Variants in JAK2 observed in about 807,000 individuals in gnomAD.
JAK2 encodes the protein Janus kinase 2, also known as tyrosine-protein kinase JAK2.
In JAK2, 86 loss-of-function variants were observed where a neutral mutation model predicts 139.3. The ratio of observed to expected loss-of-function variants is 0.62; its 90% confidence interval spans 0.52 to 0.74. The LOEUF (loss-of-function observed/expected upper bound fraction) is 0.74, where lower values mean the gene tolerates loss of function less well. Ranked by LOEUF, JAK2 falls within the 30% of genes least tolerant of loss-of-function variation. JAK2 has a pLI of 0.00. For missense variants in JAK2, 1,421 were observed against 1,360.3 expected (o/e 1.04, Z -0.70); for synonymous variants, 490 against 437.7 (o/e 1.12, Z -1.49).
intron 22 of JAK2, among the ~76,000 whole-genome samples, chr9:5,105,499 T>G (rs2130769942): frequency 6.6e-6 from 1 of 152,292 alleles, no homozygotes; most frequent in Non-Finnish European, 1.5e-5. Context: ...CCAAAGTAAT[T>G]TATAGATTCA....
At chr9:5,082,628 G>A (rs556836271) in intron 19 of JAK2, among the ~76,000 whole-genome samples, 13 of 152,304 alleles carry the variant, frequency 8.5e-5, no homozygotes, top group South Asian at 6.2e-4. Context: ...CCCATCCCAC[G>A]AGGCCATATT....
chr9:5,060,028 A>G (rs78787200), intron 8 of JAK2, among the ~76,000 whole-genome samples: 13,390 of 152,230 alleles, frequency 0.088, 1,761 homozygotes, highest in African/African-American at 0.29. Flanking sequence ...AAATTTTGCA[A>G]TGAAGTGAGT....
intron 22 of JAK2, chr9:5,100,904 A>C (rs1023405011): frequency 6.6e-6 from 1 of 152,218 alleles, no homozygotes; most frequent in Admixed American, 6.5e-5. Flanking sequence ...CGCCAATTAA[A>C]ATATCACTTT....
intron 14 of JAK2, among the ~76,000 whole-genome samples, chr9:5,077,197 G>A (rs1469704498): frequency 1.3e-5 from 2 of 149,938 alleles, no homozygotes; most frequent in African/African-American, 4.9e-5. Flanking sequence ...AAGGTGTGCT[G>A]GTATATTATA....
Position 4,989,449 on chromosome 9 carries a change from TA to T in JAK2, c.-26+3436del, listed in dbSNP as rs535950635. Among the ~76,000 whole-genome samples, 191 of 151,508 alleles carry T rather than the reference TA, an allele frequency of 1.3e-3. 2 individuals are homozygous for T. The East Asian group carries it at 0.024, about 19-fold the overall frequency. The stretch of plus-strand genomic sequence containing the variant: ...TTCTTTGAGGAGCAGTACCTTAGAT[TA>T]AAAAAAAACCACAACACACAGTGGA... On this transcript the variant is annotated intron_variant, in intron 2 of 24. Coordinates refer to ENST00000381652, the MANE Select transcript of JAK2 (RefSeq NM_004972.4).
rs140293053 is a variant in JAK2, at chr9:5,075,686, T to G, written c.1865-1767T>G. ...TCACCCAAGAGCTCTGATGGAGATG[T>G]ACAAGGATATTCATGTTATTTTCAG... On this transcript the variant is annotated intron_variant, in intron 14 of 24. Transcript: ENST00000381652. Among the ~76,000 whole-genome samples the G allele has an allele frequency of 2.1e-3, 322 of 152,318 alleles. 3 individuals carry two copies. The highest frequency in any genetic ancestry group is 7.3e-3 in the African/African-American group (302 of 41,578).
At chr9:5,084,898 T>C (rs1382363934) in intron 19 of JAK2, 3 of 444,308 alleles carry the variant, frequency 6.8e-6, no homozygotes, top group African/African-American at 2.0e-5. Flanking sequence ...TCTTTTAAAA[T>C]GATTTTTGGT....
intron 19 of JAK2, chr9:5,085,817 T>C (rs1820052098): frequency 1.3e-6 from 1 of 759,276 alleles, no homozygotes. Flanking sequence ...CCACAATAAT[T>C]GATCGAAAGG....
chr9:5,055,666 T>C lies in JAK2; in HGVS notation c.937-3T>C, dbSNP rs1347761120. ...TTTTAATTTTACATGCTTTTAATTA[T>C]AGGATTTACAGTTATATTGCGATTT... is the stretch of plus-strand genomic sequence containing the variant. On this transcript the variant is annotated splice_polypyrimidine_tract_variant and splice_region_variant and intron_variant, in intron 7 of 24. Transcript: ENST00000381652. The C allele has an allele frequency of 1.3e-6, 2 of 1,552,936 alleles. No individual in the cohort carries two copies. Among genetic ancestry groups the C allele is most frequent in the Non-Finnish European group, 1.8e-6 (2 of 1,133,512 alleles).
At chr9:5,021,538 G>A (rs2130069302) in intron 2 of JAK2, among the ~76,000 whole-genome samples, 1 of 152,324 alleles carries the variant, frequency 6.6e-6, no homozygotes, top group Middle Eastern at 3.4e-3. Context: ...TCCAGTTAAT[G>A]GATTTGACAG....
At chr9:5,097,588 A>G (rs1321082605) in intron 22 of JAK2, 1 of 152,188 alleles carries the variant, frequency 6.6e-6, no homozygotes, top group Non-Finnish European at 1.5e-5. Context: ...CTCCGCTACC[A>G]TAATTACTGC....
chr9:5,054,631 G>GTTT lies in JAK2; in HGVS notation c.683_684insTTT (p.Arg228_Ile229insLeu). Reference sequence around the variant, plus strand: ...GACTATCATATTTTGACAAGGAAGCGAATAAGGTACAGATTTCGCAGATTT... The same window carrying GTTT: ...GACTATCATATTTTGACAAGGAAGCGTTTAATAAGGTACAGATTTCGCAGATTT... On this transcript the variant is annotated inframe_insertion, in exon 7 of 25. Transcript: ENST00000381652. The surrounding 1 kb of genome is among the most constrained non-coding windows in gnomAD (Gnocchi z 4.9). 6.2e-7 allele frequency: 1 copy of GTTT among 1,612,844 alleles called. No individual in the cohort carries two copies. The highest frequency in any genetic ancestry group is 8.5e-7 in the Non-Finnish European group (1 of 1,179,220).
At chr9:5,071,841 A>G (rs1039531728) in intron 12 of JAK2, among the ~76,000 whole-genome samples, 1 of 152,206 alleles carries the variant, frequency 6.6e-6, no homozygotes, top group African/African-American at 2.4e-5. Flanking sequence ...TTTGAACACA[A>G]GCAGCCTTAC....
At chr9:5,112,805 C>A in intron 22 of JAK2, 1 of 548,282 alleles carries the variant, frequency 1.8e-6, no homozygotes. Flanking sequence ...TTCAGCTGCC[C>A]ACCTGGGCTT....
chr9:5,060,902 T>A (rs991246892), intron 8 of JAK2, among the ~76,000 whole-genome samples: 26 of 152,344 alleles, frequency 1.7e-4, no homozygotes, highest in African/African-American at 5.3e-4. Context: ...AAGTTGAAAT[T>A]ACTCCTTGAC....
At chr9:5,012,624 T>A (rs1287048133) in intron 2 of JAK2, among the ~76,000 whole-genome samples, 2 of 152,228 alleles carry the variant, frequency 1.3e-5, no homozygotes, top group African/African-American at 4.8e-5. Flanking sequence ...TTGTTATTTT[T>A]ATGAGCATAG....
chr9:5,092,140 G>C (rs1293106268), intron 22 of JAK2, among the ~76,000 whole-genome samples: 1 of 152,038 alleles, frequency 6.6e-6, no homozygotes, highest in African/African-American at 2.4e-5. Flanking sequence ...TCAACGTGTA[G>C]CTCATGAGGT....
intron 3 of JAK2, among the ~76,000 whole-genome samples, chr9:5,027,882 G>C (rs1822880800): frequency 6.6e-6 from 1 of 152,112 alleles, no homozygotes; most frequent in Non-Finnish European, 1.5e-5. Context: ...TCTAATTTTA[G>C]TTCTCTTGTT....
rs1821931117 is a variant in JAK2 at position 5,014,731 on chromosome 9, T to C, written c.-25-7232T>C. Among the ~76,000 whole-genome samples the C allele has an allele frequency of 2.6e-5, 4 of 152,208 alleles. No individual in the cohort carries two copies. In the South Asian group the frequency reaches 8.3e-4, roughly 32 times the overall value. ...GAGGGAAAATCCTGTAAAACTAGAA[T>C]AGATGTAACTTATATGAGAGTTATA... On this transcript the variant is annotated intron_variant, in intron 2 of 24. Coordinates refer to ENST00000381652, the MANE Select transcript of JAK2 (RefSeq NM_004972.4).
Sources: allele counts gnomAD v4.1 joint callset (sites outside exome capture counted in the v4.1 genomes callset), GRCh38; gene constraint gnomAD v4.1.1; non-coding constraint Gnocchi (gnomAD v3.1); transcripts MANE v1.5; gene names NCBI Gene and HGNC (gene_info 2026-07-23, HGNC 2026-07-21).